SLC26A5: variants seen among roughly 807,000 people sequenced by gnomAD.
SLC26A5 encodes the protein solute carrier family 26 member 5.
A neutral mutation model predicts 81.0 loss-of-function variants in SLC26A5; 51 were observed. The ratio of observed to expected loss-of-function variants is 0.63; its 90% CI spans 0.50 to 0.80. SLC26A5 has a LOEUF of 0.80. SLC26A5 is among the 30% of genes least tolerant of loss of function. The pLI is 0.00. For missense variants in SLC26A5, 771 were observed against 905.8 expected, an observed-to-expected ratio of 0.85 and a Z score of 1.91; for synonymous variants, 325 against 332.8, an observed-to-expected ratio of 0.98 and a Z score of 0.25.
chr7:103,401,769 C>A (rs917963708), intron 8 of SLC26A5, among the ~76,000 whole-genome samples: 3 of 152,110 alleles, frequency 2.0e-5, no homozygotes, highest in Non-Finnish European at 2.9e-5. Context: ...GCTTGAAGGG[C>A]TGTTGAATTT....
chr7:103,399,475 A>C (rs1180731162), intron 8 of SLC26A5, among the ~76,000 whole-genome samples: 1 of 152,220 alleles, frequency 6.6e-6, no homozygotes, highest in Non-Finnish European at 1.5e-5. Flanking sequence ...AAAAGGTTTG[A>C]AGGTATTGCT....
At chr7:103,354,007 A>G in intron 19 of SLC26A5, 1 of 1,432,314 alleles carries the variant, frequency 7.0e-7, no homozygotes, top group Non-Finnish European at 9.5e-7. Flanking sequence ...TGTTGAAATA[A>G]AAACTGTTTT....
At chr7:103,406,841 CG>C (rs1295748986) in intron 8 of SLC26A5, among the ~76,000 whole-genome samples, 4 of 152,080 alleles carry the variant, frequency 2.6e-5, no homozygotes, top group Admixed American at 2.6e-4. Flanking sequence ...TTAGTAGAGA[CG>C]GGGTTTCACC....
At chr7:103,421,152 T>C (rs1825314029) in intron 3 of SLC26A5, among the ~76,000 whole-genome samples, 1 of 152,174 alleles carries the variant, frequency 6.6e-6, no homozygotes, top group Non-Finnish European at 1.5e-5. Flanking sequence ...AAAGGCATAG[T>C]AGGAATTCAA....
chr7:103,415,256 A>C (rs1824813636), intron 4 of SLC26A5, among the ~76,000 whole-genome samples: 1 of 152,228 alleles, frequency 6.6e-6, no homozygotes, highest in African/African-American at 2.4e-5. Flanking sequence ...TATGCATACG[A>C]TTTAAAAAGC....
chr7:103,440,678 A>G (rs4729915), intron 2 of SLC26A5, among the ~76,000 whole-genome samples: 59,086 of 152,046 alleles, frequency 0.39, 15,594 homozygotes, highest in African/African-American at 0.74. Context: ...CCAATCCTAG[A>G]ATTTTGTTTT....
At chr7:103,395,591 T>C (rs1823046708) in intron 9 of SLC26A5, among the ~76,000 whole-genome samples, 1 of 149,682 alleles carries the variant, frequency 6.7e-6, no homozygotes, top group East Asian at 2.0e-4. Context: ...TGGCGTGATC[T>C]TGACTCACTG....
chr7:103,368,127 A>G, intron 19 of SLC26A5: 4 of 1,308,624 alleles, frequency 3.1e-6, no homozygotes, highest in African/African-American at 1.5e-5. Flanking sequence ...TAACCAATTC[A>G]TAAACAAATA....
chr7:103,361,871 T>G, intron 19 of SLC26A5: 1 of 1,341,356 alleles, frequency 7.5e-7, no homozygotes, highest in Non-Finnish European at 1.0e-6. Context: ...ACCTGTATAT[T>G]GCACACTCAG....
chr7:103,362,563 TA>T, intron 19 of SLC26A5: 1 of 1,416,668 alleles, frequency 7.1e-7, no homozygotes, highest in African/African-American at 1.5e-5. Flanking sequence ...TCTCTTTATA[TA>T]ATTAGGGACT....
In SLC26A5 at chr7:103,421,387, G is replaced by T. The variant is rs375125710; in HGVS notation, c.128C>A (p.Ala43Glu). 3 of 1,614,058 alleles carry T rather than the reference G, an allele frequency of 1.9e-6. No homozygotes were observed. Among genetic ancestry groups the T allele is most frequent in the East Asian group, 4.5e-5 (2 of 44,880 alleles). The change falls in exon 3 of 20, where the codon GCG becomes GAG. Residue 43 changes from alanine (A) to glutamate (E), a missense_variant. Coordinates refer to ENST00000306312, the MANE Select transcript of SLC26A5 (RefSeq NM_198999.3). ...HTKDKVPDSI[A>E]DKLKQAFTCT... Reference sequence around the variant, plus strand: ...CGTGAATGCCTGTTTCAGCTTATCCGCAATGGAATCAGGAACCTTGTCCTT... The same window carrying T: ...CGTGAATGCCTGTTTCAGCTTATCCTCAATGGAATCAGGAACCTTGTCCTT...
chr7:103,385,283 C>T (rs1822097723), intron 14 of SLC26A5, among the ~76,000 whole-genome samples: 1 of 152,132 alleles, frequency 6.6e-6, no homozygotes, highest in Non-Finnish European at 1.5e-5. Context: ...CTGCCTCAGC[C>T]TCCCCAGTAG....
chr7:103,391,810 T>C, intron 10 of SLC26A5, 75 bp from the exon 11 acceptor site: 1 of 1,116,628 alleles, frequency 9.0e-7, no homozygotes, highest in Non-Finnish European at 1.3e-6. Context: ...GCCCATTTAA[T>C]ACACATTGTC....
At chr7:103,382,147 T>C (rs866671997) in intron 14 of SLC26A5, among the ~76,000 whole-genome samples, 2 of 152,132 alleles carry the variant, frequency 1.3e-5, no homozygotes, top group Middle Eastern at 3.2e-3. Flanking sequence ...AGCCACTCAG[T>C]AGACAGAACT....
chr7:103,390,533 G>C, intron 11 of SLC26A5, 27 bp from the exon 12 acceptor site: 1 of 1,594,240 alleles, frequency 6.3e-7, no homozygotes, highest in Non-Finnish European at 8.6e-7. Flanking sequence ...ACATGGAAGG[G>C]GCTTTTAGGA....
At chr7:103,442,132 ATC>A (rs1255984023) in intron 2 of SLC26A5, among the ~76,000 whole-genome samples, 1 of 136,728 alleles carries the variant, frequency 7.3e-6, no homozygotes, top group Non-Finnish European at 1.5e-5. Flanking sequence ...CCCCACCTTC[ATC>A]ACTCTTTTTT....
In SLC26A5 at chr7:103,378,533, G is replaced by A. The variant is rs1456957149; in HGVS notation, c.1698C>T (p.Val566=). 1.2e-6 allele frequency: 2 copies of A among 1,614,022 alleles called. No homozygotes were observed. The highest frequency in any genetic ancestry group is 2.2e-5 in the South Asian group (2 of 91,074). ...TGGCCTTTCTCCTTGCTCCCATGAT[G>A]ACTGCTGGGTTCACTCCAGTCTTTA... is the stretch of plus-strand genomic sequence containing the variant. The part of the protein sequence containing the change: ...LKRKTGVNPA[V]IMGARRKAMR... Residue 566 remains valine, a synonymous_variant, in exon 17 of 20, where the codon GTC becomes GTT. Transcript: ENST00000306312.
intron 2 of SLC26A5, among the ~76,000 whole-genome samples, chr7:103,430,660 G>T (rs1826015021): frequency 6.9e-6 from 1 of 144,054 alleles, no homozygotes; most frequent in Admixed American, 6.8e-5. Context: ...AGGCAAAAAG[G>T]CAGGCACGTG....
chr7:103,354,162 G>A (rs1303615106), intron 19 of SLC26A5, among the ~76,000 whole-genome samples: 1 of 152,026 alleles, frequency 6.6e-6, no homozygotes, highest in African/African-American at 2.4e-5. Flanking sequence ...CCTACCTAAA[G>A]TTTATAGAAT....
Sources: gnomAD v4.1 joint callset for allele counts (sites outside exome capture counted in the v4.1 genomes callset) on GRCh38, gnomAD v4.1.1 for gene constraint, MANE v1.5 for transcripts, NCBI Gene and HGNC (gene_info 2026-07-23, HGNC 2026-07-21) for gene names.